Variants in CDYL observed in about 807,000 individuals in gnomAD.
CDYL encodes the protein chromodomain Y like.
In CDYL, 8 loss-of-function variants were observed where a neutral mutation model predicts 47.3. The ratio of observed to expected loss-of-function variants is 0.17; its 90% CI spans 0.10 to 0.31. The LOEUF (loss-of-function observed/expected upper bound fraction) is 0.31, where lower values mean the gene tolerates loss of function less well. CDYL is among the 10% of genes least tolerant of loss of function. The probability of loss-of-function intolerance (pLI) is 1.00; values close to 1 mark genes in which losing one functional copy is unlikely to be tolerated. For synonymous variants in CDYL, 266 were observed against 265.0 expected, an observed-to-expected ratio of 1.00 and a Z score of -0.04; for missense variants, 471 against 701.4, an observed-to-expected ratio of 0.67 and a Z score of 3.71.
At chr6:4,775,124 C>T (rs1202094454), upstream of CDYL, 1 of 152,686 alleles carries the variant, frequency 6.5e-6, no homozygotes, top group Non-Finnish European at 1.5e-5. The surrounding 1 kb of genome is among the most constrained non-coding windows in gnomAD (Gnocchi z 7.0). Context: ...AGGTTAGGAA[C>T]TGGAGCGAGA....
chr6:4,848,295 T>C (rs960145987), intron 1 of CDYL, among the ~76,000 whole-genome samples: 2 of 152,216 alleles, frequency 1.3e-5, no homozygotes, highest in Admixed American at 6.5e-5. Context: ...AACTCCAGTA[T>C]GGCAGATTGA....
chr6:4,842,744 T>C (rs1286369953), intron 1 of CDYL, among the ~76,000 whole-genome samples: 2 of 152,192 alleles, frequency 1.3e-5, no homozygotes, highest in Admixed American at 6.5e-5. Flanking sequence ...AGTGGAGGTA[T>C]TTCAGTTACT....
At chr6:4,773,082 C>G, upstream of CDYL, 1 of 457,056 alleles carries the variant, frequency 2.2e-6, no homozygotes, top group East Asian at 6.9e-5. This position sits in a 1 kb window ranked among gnomAD's most constrained non-coding sequence, Gnocchi z 4.6. Flanking sequence ...TCTGAAGAGT[C>G]TTATCGTCGG....
chr6:4,861,763 A>G (rs558690761), intron 1 of CDYL, among the ~76,000 whole-genome samples: 6 of 152,168 alleles, frequency 3.9e-5, no homozygotes, highest in Non-Finnish European at 7.3e-5. Flanking sequence ...GCAGTACTGT[A>G]TCTGTCTCTT....
chr6:4,928,952 C>A (rs968258952), intron 2 of CDYL, among the ~76,000 whole-genome samples: 1 of 152,182 alleles, frequency 6.6e-6, no homozygotes, highest in South Asian at 2.1e-4. Flanking sequence ...CAAGCAGTTA[C>A]TACTGTCTAC....
chr6:4,892,716 C>A (rs1284957219), intron 2 of CDYL, among the ~76,000 whole-genome samples: 1 of 152,166 alleles, frequency 6.6e-6, no homozygotes, highest in African/African-American at 2.4e-5. Context: ...AGTGCTGAGT[C>A]TTGTCTCGTG....
chr6:4,723,404 G>A (rs985844146), intron 2 of CDYL, among the ~76,000 whole-genome samples: 15 of 152,118 alleles, frequency 9.9e-5, no homozygotes, highest in East Asian at 3.9e-4. Context: ...GGCAGGAGAC[G>A]GACAGTACAG....
At chr6:4,852,283 A>T (rs973934378) in intron 1 of CDYL, among the ~76,000 whole-genome samples, 1 of 152,146 alleles carries the variant, frequency 6.6e-6, no homozygotes, top group Non-Finnish European at 1.5e-5. Flanking sequence ...ACTGGGGCAA[A>T]TGATGATTCC....
At chr6:4,758,880 C>A (rs946444776) in intron 3 of CDYL, among the ~76,000 whole-genome samples, 1 of 150,950 alleles carries the variant, frequency 6.6e-6, no homozygotes, top group Admixed American at 6.6e-5. Context: ...AATATATTTA[C>A]ATATTTTAAA....
intron 1 of CDYL, among the ~76,000 whole-genome samples, chr6:4,784,012 C>T (rs1400240433): frequency 6.6e-6 from 1 of 152,086 alleles, no homozygotes; most frequent in South Asian, 2.1e-4. Context: ...TTGTCTTTTA[C>T]CTTTTCATTT....
intron 1 of CDYL, among the ~76,000 whole-genome samples, chr6:4,882,027 G>A (rs571001569): frequency 6.6e-6 from 1 of 152,258 alleles, no homozygotes; most frequent in South Asian, 2.1e-4. Context: ...TTAAGCTCAG[G>A]GTTCTGCTCC....
At chr6:4,759,879 C>CAAAAAAAAACAAAAAAAA (rs1758143722) in intron 3 of CDYL, among the ~76,000 whole-genome samples, 1 of 25,046 alleles carries the variant, frequency 4.0e-5, no homozygotes, top group East Asian at 1.3e-3. Context: ...AACTCCATCT[C>CAAAAAAAAACAAAAAAAA]AAAAAAAAAA....
At chr6:4,905,989 G>T (rs1029344228) in intron 2 of CDYL, among the ~76,000 whole-genome samples, 4 of 152,260 alleles carry the variant, frequency 2.6e-5, no homozygotes, top group African/African-American at 9.6e-5. Flanking sequence ...AGTGATTTAA[G>T]CCTTGAAAGA....
intron 1 of CDYL, among the ~76,000 whole-genome samples, chr6:4,879,915 T>C (rs1026056517): frequency 2.0e-5 from 3 of 152,078 alleles, no homozygotes; most frequent in Non-Finnish European, 4.4e-5. Flanking sequence ...TCAGCAAAAT[T>C]GGGCTGAAAA....
chr6:4,784,669 G>A (rs931144505), intron 1 of CDYL, among the ~76,000 whole-genome samples: 2 of 152,110 alleles, frequency 1.3e-5, no homozygotes, highest in African/African-American at 2.4e-5. Context: ...TGGTGGTCCC[G>A]TAAGATTATA....
intron 1 of CDYL, among the ~76,000 whole-genome samples, chr6:4,795,771 A>G (rs189273859): frequency 3.5e-4 from 50 of 144,822 alleles, no homozygotes; most frequent in African/African-American, 1.2e-3. Flanking sequence ...GTCTTTCATT[A>G]TTTCTGGTTC....
intron 2 of CDYL, among the ~76,000 whole-genome samples, chr6:4,901,024 TATCTAGGCCCTGCCTTAAGGGACTAGAAA>T (rs1757036201): frequency 6.6e-6 from 1 of 150,938 alleles, no homozygotes; most frequent in East Asian, 2.0e-4. Context: ...GAGGTAGGAC[TATCTAGGCCCTGCCTTAAGGGACTAGAAA>T]ACTTCCAATT....
chr6:4,723,532 G>A (rs770858607), intron 2 of CDYL, among the ~76,000 whole-genome samples: 2 of 152,276 alleles, frequency 1.3e-5, no homozygotes, highest in East Asian at 1.9e-4. Context: ...GGGGCTGCCA[G>A]CACCTGAAAA....
At chr6:4,707,485 G>T (rs1757068332) in intron 1 of CDYL, among the ~76,000 whole-genome samples, 1 of 152,268 alleles carries the variant, frequency 6.6e-6, no homozygotes, top group South Asian at 2.1e-4. Context: ...CGTTGGCCAG[G>T]ATGGTCTTGA....
Sources: allele counts gnomAD v4.1 joint callset (sites outside exome capture counted in the v4.1 genomes callset), GRCh38; gene constraint gnomAD v4.1.1; non-coding constraint Gnocchi (gnomAD v3.1); transcripts MANE v1.5; gene names NCBI Gene and HGNC (gene_info 2026-07-23, HGNC 2026-07-21).